IL36B: variants seen among roughly 807,000 people sequenced by gnomAD.
IL36B encodes interleukin 36 beta.
IL36B carries 23 observed loss-of-function variants against 19.3 expected under a neutral mutation model. That is an observed-to-expected ratio of 1.19 (90% CI 0.86 to 1.69). The LOEUF (loss-of-function observed/expected upper bound fraction) is 1.69. IL36B is among the 40% of genes most tolerant of loss of function. IL36B has a pLI of 0.00. For missense variants in IL36B, 217 were observed against 200.5 expected (o/e 1.08, Z -0.50); for synonymous variants, 59 against 59.7 (o/e 0.99, Z 0.05).
intron 5 of IL36B, among the ~76,000 whole-genome samples, chr2:113,024,797 A>T (rs889458777): frequency 3.9e-5 from 6 of 152,212 alleles, no homozygotes; most frequent in African/African-American, 1.4e-4. Context: ...TTTCATCACC[A>T]TCTTCCTATA....
At chr2:113,043,473 A>G (rs1207356568) in intron 1 of IL36B, among the ~76,000 whole-genome samples, 3 of 152,246 alleles carry the variant, frequency 2.0e-5, no homozygotes, top group African/African-American at 7.2e-5. Context: ...GAAATGGATC[A>G]TAATTCACCT....
chr2:113,023,433 T>G (rs1029692559), intron 5 of IL36B, among the ~76,000 whole-genome samples: 4 of 152,220 alleles, frequency 2.6e-5, no homozygotes, highest in African/African-American at 9.6e-5. Context: ...ACTGCTATTA[T>G]AGGCATAGAT....
At chr2:113,030,950 T>A (rs1685063670) in intron 3 of IL36B, 98 bp downstream of exon 3, 1 of 821,016 alleles carries the variant, frequency 1.2e-6, no homozygotes, top group Non-Finnish European at 2.1e-6. Context: ...TGCCTAGAAG[T>A]GGGTGAGGTC....
chr2:113,034,595 GGACCTCT>G, intron 1 of IL36B, among the ~76,000 whole-genome samples: 1 of 152,262 alleles, frequency 6.6e-6, no homozygotes, highest in South Asian at 2.1e-4. Context: ...GGAATGGTGC[GGACCTCT>G]TATGGGAACT....
chr2:113,036,286 TA>T (rs573101732), intron 1 of IL36B, among the ~76,000 whole-genome samples: 76 of 149,064 alleles, frequency 5.1e-4, no homozygotes, highest in Middle Eastern at 3.5e-3. Context: ...TGTGTTGTTA[TA>T]AAAAAAAAGA....
In IL36B at chr2:113,044,802, T is replaced by C. The variant is rs113857337; in HGVS notation, c.-58+8015A>G. On this transcript the variant is annotated intron_variant, in intron 1 of 5. Coordinates refer to ENST00000259213, the MANE Select transcript of IL36B (RefSeq NM_014438.5). The stretch of plus-strand genomic sequence containing the variant: ...GTTCTTTGTTCCATTTTTTCCTGAG[T>C]CCTTTTGGATTACTTGAACATTTTC... Among the ~76,000 whole-genome samples, 867 of 152,300 alleles carry C rather than the reference T, an allele frequency of 5.7e-3. 4 individuals are homozygous for C. The highest frequency in any genetic ancestry group is 0.012 in the Admixed American group (181 of 15,306).
chr2:113,042,379 GT>G (rs1685273084), intron 1 of IL36B, among the ~76,000 whole-genome samples: 1 of 151,968 alleles, frequency 6.6e-6, no homozygotes, highest in Non-Finnish European at 1.5e-5. Flanking sequence ...AATTTGATAA[GT>G]TTTGACATAT....
chr2:113,025,396 T>C (rs187325196), intron 5 of IL36B, among the ~76,000 whole-genome samples: 4 of 152,336 alleles, frequency 2.6e-5, no homozygotes, highest in African/African-American at 9.6e-5. Flanking sequence ...AAGATGCTAA[T>C]ACATGAAATG....
intron 1 of IL36B, among the ~76,000 whole-genome samples, chr2:113,035,203 A>C (rs1030666120): frequency 6.6e-6 from 1 of 152,226 alleles, no homozygotes; most frequent in Non-Finnish European, 1.5e-5. Context: ...TAGGATGTCC[A>C]ACCATGAAAA....
intron 2 of IL36B, 63 bp from the exon 3 acceptor site, chr2:113,031,218 A>G: frequency 9.2e-7 from 1 of 1,084,796 alleles, no homozygotes. Flanking sequence ...CTCCAGTTGC[A>G]TCCTGGTATT....
At chr2:113,037,751 C>G (rs909242355) in intron 1 of IL36B, among the ~76,000 whole-genome samples, 106 of 151,740 alleles carry the variant, frequency 7.0e-4, no homozygotes, top group African/African-American at 2.5e-3. Context: ...TTATGATTGT[C>G]CTTTAATATT....
At chr2:113,025,605 T>C (rs1684943636) in intron 5 of IL36B, among the ~76,000 whole-genome samples, 1 of 152,106 alleles carries the variant, frequency 6.6e-6, no homozygotes, top group South Asian at 2.1e-4. Flanking sequence ...AAATGTTCCA[T>C]GAGAAGGCAA....
At chr2:113,044,045 T>G (rs1685304091) in intron 1 of IL36B, among the ~76,000 whole-genome samples, 2 of 152,184 alleles carry the variant, frequency 1.3e-5, no homozygotes, top group Non-Finnish European at 2.9e-5. Context: ...GATCTACAGG[T>G]CAAGTTGGGG....
chr2:113,030,997 G>T, intron 3 of IL36B, 51 bp downstream of exon 3: 1 of 1,318,344 alleles, frequency 7.6e-7, no homozygotes, highest in Non-Finnish European at 1.1e-6. Context: ...CTCATTCCTG[G>T]TGAAGATGGC....
intron 1 of IL36B, among the ~76,000 whole-genome samples, chr2:113,052,505 T>C (rs558285599): frequency 1.3e-5 from 2 of 152,320 alleles, no homozygotes; most frequent in South Asian, 4.1e-4. Flanking sequence ...ATCAGTTAAA[T>C]GGGAATAAGC....
chr2:113,030,622 G>A (rs1357619158), intron 3 of IL36B, among the ~76,000 whole-genome samples: 1 of 152,180 alleles, frequency 6.6e-6, no homozygotes, highest in Non-Finnish European at 1.5e-5. Flanking sequence ...ACTGACTTTT[G>A]ATGGGAGAAA....
At chr2:113,051,952 C>T (rs1305809992) in intron 1 of IL36B, among the ~76,000 whole-genome samples, 5 of 143,628 alleles carry the variant, frequency 3.5e-5, no homozygotes, top group African/African-American at 5.1e-5. Flanking sequence ...TCCCTCTCTC[C>T]TTTTTTTTTT....
rs186698016 is a variant in IL36B, at chr2:113,037,768, C to T, written c.-57-6002G>A. 1.6e-3 allele frequency among the ~76,000 whole-genome samples: 248 copies of T among 151,988 alleles called. 1 individual carries two copies. The highest frequency in any genetic ancestry group is 5.7e-3 in the African/African-American group (236 of 41,450). ...ATGATTGTCCTTTAATATTTTCTGT[C>T]ATTTTGTACACATGTAAGTACTTTT... On this transcript the variant is annotated intron_variant, in intron 1 of 5. Transcript: ENST00000259213.
chr2:113,025,954 G>A, intron 5 of IL36B: 3 of 1,293,044 alleles, frequency 2.3e-6, no homozygotes, highest in Admixed American at 2.7e-5. Context: ...AGGGAAGTGA[G>A]AGAAGTCAAT....
Sources: allele counts gnomAD v4.1 joint callset (sites outside exome capture counted in the v4.1 genomes callset), GRCh38; gene constraint gnomAD v4.1.1; transcripts MANE v1.5; gene names NCBI Gene and HGNC (gene_info 2026-07-23, HGNC 2026-07-21).